Variants in EPB41L4A observed in about 807,000 individuals in gnomAD.
The protein encoded by EPB41L4A is erythrocyte membrane protein band 4.1 like 4A.
EPB41L4A carries 100 observed loss-of-function variants against 108.6 expected under a neutral mutation model. The observed-to-expected ratio is 0.92, with a 90% CI of 0.78 to 1.09. The LOEUF (loss-of-function observed/expected upper bound fraction) is 1.09. Ranked by LOEUF, EPB41L4A falls within the 50% of genes least tolerant of loss-of-function variation. The probability of loss-of-function intolerance (pLI) is 0.00; values close to 1 mark genes in which losing one functional copy is unlikely to be tolerated. For missense variants in EPB41L4A, 1,030 were observed against 842.7 expected (o/e 1.22, Z -2.75); for synonymous variants, 319 against 289.0 (o/e 1.10, Z -1.05).
chr5:112,224,072 C>A (rs183555664), intron 12 of EPB41L4A, among the ~76,000 whole-genome samples: 1 of 152,310 alleles, frequency 6.6e-6, no homozygotes, highest in Admixed American at 6.5e-5. Context: ...CTGCCTCAGC[C>A]TCCTGAGTAG....
chr5:112,351,077 T>A (rs1361003092), intron 1 of EPB41L4A, among the ~76,000 whole-genome samples: 1 of 151,930 alleles, frequency 6.6e-6, no homozygotes, highest in African/African-American at 2.4e-5. Flanking sequence ...TCCAAGGAAC[T>A]AGAAAAACAA....
chr5:112,352,160 G>A (rs1020242603), intron 1 of EPB41L4A, among the ~76,000 whole-genome samples: 3 of 151,848 alleles, frequency 2.0e-5, no homozygotes, highest in South Asian at 2.1e-4. Context: ...TCTTTCCTTC[G>A]ACTCATTTTG....
chr5:112,329,396 G>A (rs191042133), intron 1 of EPB41L4A, among the ~76,000 whole-genome samples: 28 of 152,258 alleles, frequency 1.8e-4, no homozygotes, highest in African/African-American at 6.3e-4. Flanking sequence ...GCCTGAGTTG[G>A]AGAAAGGACA....
intron 9 of EPB41L4A, among the ~76,000 whole-genome samples, chr5:112,243,088 C>T (rs977395274): frequency 3.3e-5 from 5 of 152,014 alleles, no homozygotes; most frequent in Non-Finnish European, 5.9e-5. Context: ...GTGGCAGGCG[C>T]CTGTAATCCC....
chr5:112,356,155 G>T (rs1026272937), intron 1 of EPB41L4A, among the ~76,000 whole-genome samples: 1 of 152,210 alleles, frequency 6.6e-6, no homozygotes, highest in Admixed American at 6.5e-5. Flanking sequence ...ACTCCACATT[G>T]TGGGTAGAAG....
intron 2 of EPB41L4A, among the ~76,000 whole-genome samples, chr5:112,299,952 T>C (rs565012835): frequency 1.3e-5 from 2 of 152,282 alleles, no homozygotes; most frequent in African/African-American, 4.8e-5. Flanking sequence ...AAGTTTGTTT[T>C]GACTGACATA....
At chr5:112,268,581 G>GGTGAA (rs968491292) in intron 4 of EPB41L4A, among the ~76,000 whole-genome samples, 5 of 151,030 alleles carry the variant, frequency 3.3e-5, no homozygotes, top group African/African-American at 4.8e-5. Context: ...TGTGCACAGT[G>GGTGAA]GTTCACACCT....
intron 12 of EPB41L4A, among the ~76,000 whole-genome samples, chr5:112,152,266 G>A (rs1759499212): frequency 6.6e-6 from 1 of 151,828 alleles, no homozygotes; most frequent in Non-Finnish European, 1.5e-5. Flanking sequence ...TTAAAACAAA[G>A]GTATAATATT....
At chr5:112,328,852 T>C (rs1756364797) in intron 1 of EPB41L4A, among the ~76,000 whole-genome samples, 1 of 152,258 alleles carries the variant, frequency 6.6e-6, no homozygotes, top group African/African-American at 2.4e-5. Context: ...CATAATGAAT[T>C]ACCTTATGTG....
At chr5:112,341,625 A>C (rs977021164) in intron 1 of EPB41L4A, among the ~76,000 whole-genome samples, 2 of 152,172 alleles carry the variant, frequency 1.3e-5, no homozygotes, top group Non-Finnish European at 2.9e-5. Context: ...AAAAATTAAA[A>C]GCTTGGCCAG....
At chr5:112,408,511 G>C (rs1762215994) in intron 1 of EPB41L4A, among the ~76,000 whole-genome samples, 1 of 151,608 alleles carries the variant, frequency 6.6e-6, no homozygotes, top group African/African-American at 2.4e-5. Context: ...AGACAAATCA[G>C]TTTTAAAAAC....
chr5:112,325,603 T>A lies in EPB41L4A; in HGVS notation c.100-18113A>T, dbSNP rs921862512. On this transcript the variant is annotated intron_variant, in intron 1 of 22. Transcript: ENST00000261486. ...CTGTATTATTTTTAACTTGTTAACA[T>A]CATGCTTTAGTAATTTCAAAAATGT... Among the ~76,000 whole-genome samples, 7 of 152,352 alleles carry A rather than the reference T, an allele frequency of 4.6e-5. No homozygotes were observed. In the South Asian group the frequency reaches 1.4e-3, roughly 32 times the overall value.
chr5:112,348,688 C>T (rs1002401989), intron 1 of EPB41L4A, among the ~76,000 whole-genome samples: 8 of 152,086 alleles, frequency 5.3e-5, no homozygotes, highest in Non-Finnish European at 7.4e-5. Flanking sequence ...AGAGAGAAAA[C>T]GAACCTCAAC....
intron 1 of EPB41L4A, among the ~76,000 whole-genome samples, chr5:112,364,229 T>C (rs541637010): frequency 6.6e-6 from 1 of 152,302 alleles, no homozygotes; most frequent in East Asian, 1.9e-4. Flanking sequence ...TTTCACCATG[T>C]TGGCCAGGCT....
intron 9 of EPB41L4A, chr5:112,250,902 C>A (rs1282957041): frequency 1.3e-5 from 2 of 152,140 alleles, no homozygotes; most frequent in Admixed American, 6.5e-5. Flanking sequence ...GTGCTTGTAA[C>A]CTCACAGCAG....
intron 12 of EPB41L4A, among the ~76,000 whole-genome samples, chr5:112,154,531 A>G (rs901109909): frequency 6.6e-6 from 1 of 152,228 alleles, no homozygotes; most frequent in Non-Finnish European, 1.5e-5. Flanking sequence ...CTTTTTACAT[A>G]TAATTTACAT....
intron 9 of EPB41L4A, chr5:112,249,005 T>C (rs963055399): frequency 2.0e-5 from 3 of 152,232 alleles, no homozygotes; most frequent in Non-Finnish European, 2.9e-5. Context: ...TCCCATTATA[T>C]ACCTGGCTCA....
rs114334218 is a variant in EPB41L4A at position 112,406,332 on chromosome 5, A to G, written c.99+12609T>C. On this transcript the variant is annotated intron_variant, in intron 1 of 22. Coordinates refer to ENST00000261486, the MANE Select transcript of EPB41L4A (RefSeq NM_022140.5). ...GAGTCACTGATCAGTTTTTAATTTT[A>G]TTTCCTGGAGAGATATGCAGCATGG... 2.2e-3 allele frequency among the ~76,000 whole-genome samples: 338 copies of G among 152,248 alleles called. 1 individual carries two copies. Among genetic ancestry groups the G allele is most frequent in the African/African-American group, 7.9e-3 (327 of 41,550 alleles).
intron 3 of EPB41L4A, among the ~76,000 whole-genome samples, chr5:112,279,537 A>ACCT (rs1474949965): frequency 2.0e-5 from 3 of 152,180 alleles, no homozygotes; most frequent in African/African-American, 7.2e-5. Context: ...ACGTAAATGT[A>ACCT]CCTAATGCCA....
Sources: allele counts gnomAD v4.1 joint callset (sites outside exome capture counted in the v4.1 genomes callset), GRCh38; gene constraint gnomAD v4.1.1; transcripts MANE v1.5; gene names NCBI Gene and HGNC (gene_info 2026-07-23, HGNC 2026-07-21).